STOX2: variants seen among roughly 807,000 people sequenced by gnomAD.
STOX2 encodes storkhead-box protein 2.
In STOX2, 28 loss-of-function variants were observed where a neutral mutation model predicts 60.9. The ratio of observed to expected loss-of-function variants is 0.46; its 90% CI spans 0.34 to 0.63. The LOEUF (loss-of-function observed/expected upper bound fraction) is 0.63, where lower values mean the gene tolerates loss of function less well. Ranked by LOEUF, STOX2 falls within the 30% of genes least tolerant of loss-of-function variation. The pLI, the probability that STOX2 is intolerant of heterozygous loss-of-function variation, is 0.01. For missense variants in STOX2, 1,024 were observed against 1,187.7 expected, an observed-to-expected ratio of 0.86 and a Z score of 2.03; for synonymous variants, 472 against 463.9, an observed-to-expected ratio of 1.02 and a Z score of -0.22.
intron 1 of STOX2, among the ~76,000 whole-genome samples, chr4:183,924,342 G>T (rs930553261): frequency 8.5e-5 from 13 of 152,120 alleles, no homozygotes; most frequent in African/African-American, 3.1e-4. Flanking sequence ...GCTGAGTAAG[G>T]GGGGCTGGAC....
intron 1 of STOX2, among the ~76,000 whole-genome samples, chr4:183,955,684 G>A (rs1399109624): frequency 6.6e-6 from 1 of 152,128 alleles, no homozygotes; most frequent in Non-Finnish European, 1.5e-5. Flanking sequence ...ATCTCTAGTA[G>A]CTTCCTGGGA....
chr4:183,958,271 C>T (rs538348717), intron 1 of STOX2, among the ~76,000 whole-genome samples: 5 of 152,198 alleles, frequency 3.3e-5, no homozygotes, highest in South Asian at 2.1e-4. Context: ...TTTCAGTGGA[C>T]GGAGCTAGGA....
intron 1 of STOX2, among the ~76,000 whole-genome samples, chr4:183,872,127 C>G (rs1369478565): frequency 6.6e-6 from 1 of 152,090 alleles, no homozygotes; most frequent in Non-Finnish European, 1.5e-5. Flanking sequence ...GCAATCTTGG[C>G]TCACTGCAAC....
chr4:183,824,359 A>G (rs1739374207), intron 1 of STOX2, among the ~76,000 whole-genome samples: 1 of 152,098 alleles, frequency 6.6e-6, no homozygotes, highest in African/African-American at 2.4e-5. Flanking sequence ...ATTTAAGGCT[A>G]TTTTACTTTC....
chr4:183,824,833 A>G (rs559698988), intron 1 of STOX2, among the ~76,000 whole-genome samples: 1 of 152,320 alleles, frequency 6.6e-6, no homozygotes, highest in South Asian at 2.1e-4. Context: ...CCAGACACGC[A>G]GGGCAGCAGA....
chr4:183,804,362 C>G (rs772927175), intron 1 of STOX2, among the ~76,000 whole-genome samples: 3 of 152,176 alleles, frequency 2.0e-5, no homozygotes, highest in Non-Finnish European at 2.9e-5. Flanking sequence ...AGGTATCCAC[C>G]AACCAGCAAT....
At chr4:183,977,852 T>C (rs1732502260) in intron 1 of STOX2, among the ~76,000 whole-genome samples, 1 of 152,210 alleles carries the variant, frequency 6.6e-6, no homozygotes, top group Admixed American at 6.5e-5. Context: ...CAACATCTGT[T>C]GATCAGTGAT....
intron 1 of STOX2, among the ~76,000 whole-genome samples, chr4:183,872,124 T>G (rs1300916063): frequency 2.0e-5 from 3 of 152,186 alleles, no homozygotes; most frequent in Non-Finnish European, 1.5e-5. Context: ...GGCGCAATCT[T>G]GGCTCACTGC....
chr4:184,010,955 C>G lies in STOX2; in HGVS notation c.2117C>G (p.Pro706Arg). Residue 706 changes from proline (P) to arginine (R), a missense_variant, in exon 3 of 4, where the codon CCT becomes CGT. This residue lies in a region of STOX2 where 922 missense variants were observed against 1,058.3 expected (regional missense o/e 0.87). Transcript: ENST00000308497. The surrounding 1 kb of genome is among the most constrained non-coding windows in gnomAD (Gnocchi z 4.5). ...EIFSKDTLFK[P>R]LHSTLSVNSY... Reference sequence around the variant, plus strand: ...TTTAGCAAAGACACACTGTTCAAACCTCTTCACAGCACCTTGTCTGTAAAC... The same window carrying G: ...TTTAGCAAAGACACACTGTTCAAACGTCTTCACAGCACCTTGTCTGTAAAC... 6.2e-7 allele frequency: 1 copy of G among 1,613,482 alleles called. No homozygotes were observed. Among genetic ancestry groups the G allele is most frequent in the Non-Finnish European group, 8.5e-7 (1 of 1,179,650 alleles).
intron 1 of STOX2, among the ~76,000 whole-genome samples, chr4:183,860,449 A>AAAAAACAAAAAAC (rs1740409424): frequency 6.7e-6 from 1 of 149,666 alleles, no homozygotes; most frequent in Admixed American, 6.6e-5. Context: ...AAACAAAAAA[A>AAAAAACAAAAAAC]AAAAAAAAAG....
chr4:183,863,555 C>T (rs1740498469), intron 1 of STOX2, among the ~76,000 whole-genome samples: 1 of 104,432 alleles, frequency 9.6e-6, no homozygotes, highest in Non-Finnish European at 2.1e-5. Flanking sequence ...CTGTTTTGTA[C>T]ACGAATGTTA....
rs1369447944 is a variant in STOX2 at position 183,856,471 on chromosome 4, A to G, written c.364+58416A>G. On this transcript the variant is annotated intron_variant, in intron 1 of 2. Transcript: ENST00000513034. The surrounding 1 kb of genome is among the most constrained non-coding windows in gnomAD (Gnocchi z 4.0). ...TTGCTAACCTCGTATTTGACAGGTGAGGGTATTAATTCTGTTATTTCCACC... is the reference window on the plus strand; with the variant it reads ...TTGCTAACCTCGTATTTGACAGGTGGGGGTATTAATTCTGTTATTTCCACC... Among the ~76,000 whole-genome samples, 1 of 152,100 alleles carries G rather than the reference A, an allele frequency of 6.6e-6. No homozygotes were observed. Among genetic ancestry groups the G allele is most frequent in the Non-Finnish European group, 1.5e-5 (1 of 67,994 alleles).
At chr4:183,994,945 A>G (rs1234032386) in intron 1 of STOX2, among the ~76,000 whole-genome samples, 2 of 152,226 alleles carry the variant, frequency 1.3e-5, no homozygotes, top group Non-Finnish European at 2.9e-5. Flanking sequence ...AAAAAAAATT[A>G]TTTAAAGAAA....
At chr4:183,979,431 T>A (rs1732570431) in intron 1 of STOX2, among the ~76,000 whole-genome samples, 1 of 152,186 alleles carries the variant, frequency 6.6e-6, no homozygotes, top group Admixed American at 6.5e-5. Context: ...GCAGGGACAC[T>A]GATCCAAACC....
At chr4:183,886,688 AG>A (rs898636565) in intron 1 of STOX2, among the ~76,000 whole-genome samples, 11 of 152,120 alleles carry the variant, frequency 7.2e-5, no homozygotes, top group African/African-American at 2.4e-4. Context: ...GGTAAGAAAA[AG>A]ACCAGGTCTT....
rs530338379 is a variant in STOX2 at position 183,991,595 on chromosome 4, T to C, written c.167-9730T>C. Among the ~76,000 whole-genome samples, 3 of 152,218 alleles carry C rather than the reference T, an allele frequency of 2.0e-5. No individual in the cohort carries two copies. The South Asian group carries it at 6.2e-4, about 32-fold the overall frequency. ...GGCATCTGCCACCACGCCTGGCTAATTTTTTGTGTTTTTCGTAGTGATGGG... is the reference window on the plus strand; with the variant it reads ...GGCATCTGCCACCACGCCTGGCTAACTTTTTGTGTTTTTCGTAGTGATGGG... On this transcript the variant is annotated intron_variant, in intron 1 of 3. Transcript: ENST00000308497.
chr4:183,959,831 G>C (rs1743360567), intron 1 of STOX2, among the ~76,000 whole-genome samples: 1 of 152,168 alleles, frequency 6.6e-6, no homozygotes, highest in African/African-American at 2.4e-5. Flanking sequence ...TGCGGAGTAG[G>C]TTTAGCGACA....
At chr4:183,981,218 A>G (rs1732649149) in intron 1 of STOX2, among the ~76,000 whole-genome samples, 2 of 152,204 alleles carry the variant, frequency 1.3e-5, no homozygotes, top group African/African-American at 4.8e-5. Flanking sequence ...AATTTGGGAA[A>G]GTAATATTGA....
intron 1 of STOX2, among the ~76,000 whole-genome samples, chr4:183,932,394 CATACAGTATAT>C (rs1742459199): frequency 4.8e-5 from 1 of 20,674 alleles, no homozygotes; most frequent in East Asian, 7.5e-4. Flanking sequence ...TGTATGTATA[CATACAGTATAT>C]GTATGTATAC....
Sources: gnomAD v4.1 joint callset for allele counts (sites outside exome capture counted in the v4.1 genomes callset) on GRCh38, gnomAD v4.1.1 for gene constraint, gnomAD v4.1.1 regional missense constraint, Gnocchi (gnomAD v3.1) non-coding constraint, MANE v1.5 for transcripts, NCBI Gene and HGNC (gene_info 2026-07-23, HGNC 2026-07-21) for gene names.